SP140: variants seen among roughly 807,000 people sequenced by gnomAD.
SP140 encodes nuclear body protein SP140.
SP140 carries 81 observed loss-of-function variants against 125.0 expected under a neutral mutation model. The ratio of observed to expected loss-of-function variants is 0.65; its 90% CI spans 0.54 to 0.78. The LOEUF is 0.78. Among genes scored for constraint, SP140 ranks in the 30% least tolerant of loss-of-function variants. The probability of loss-of-function intolerance (pLI) is 0.00; values close to 1 mark genes in which losing one functional copy is unlikely to be tolerated. For missense variants in SP140, 858 were observed against 1,037.0 expected (o/e 0.83, Z 2.37); for synonymous variants, 312 against 354.0 (o/e 0.88, Z 1.33).
intron 22 of SP140, among the ~76,000 whole-genome samples, chr2:230,301,022 A>G (rs1348259519): frequency 1.3e-5 from 2 of 152,256 alleles, no homozygotes. Flanking sequence ...GCAAGTTTCA[A>G]CAATAGACTA....
rs190924663 is a variant in SP140, at chr2:230,310,118, C to T, written c.2174+79C>T. ...CCATGCGCACTCTCCAGCAGAGTGC[C>T]GGCTTGTGTCTAGATGGGGAAAGAG... On this transcript the variant is annotated intron_variant, in intron 23 of 26. Coordinates refer to ENST00000392045, the MANE Select transcript of SP140 (RefSeq NM_007237.5). The T allele has an allele frequency of 1.2e-3, 1,581 of 1,369,172 alleles. 5 individuals carry two copies. The highest frequency in any genetic ancestry group is 3.4e-3 in the Middle Eastern group (19 of 5,514). The allele number at this position is 1,369,172 out of a possible 1,614,324, so 84.8% of individuals were successfully genotyped here. A position where few individuals can be genotyped will look rare whatever the true frequency, so the allele number is the denominator to read the frequency against.
At chr2:230,248,860 C>G in intron 8 of SP140, 25 bp from the exon 9 acceptor site, 1 of 1,583,448 alleles carries the variant, frequency 6.3e-7, no homozygotes, top group Non-Finnish European at 8.7e-7. Context: ...CCTCTGTGGT[C>G]TGTCAATTTC....
At position 230,237,090 on chromosome 2, in the gene SP140, G is replaced by A. The variant is rs149750664; in HGVS notation, c.67G>A (p.Ala23Thr). The change falls in exon 2 of 27, where the codon GCA becomes ACA. Residue 23 changes from alanine (A) to threonine (T), a missense_variant. By Grantham distance (58) the Ala-to-Thr change is moderately conservative. Coordinates refer to ENST00000392045, the MANE Select transcript of SP140 (RefSeq NM_007237.5). This position sits in a 1 kb window ranked among gnomAD's most constrained non-coding sequence, Gnocchi z 5.4. The stretch of plus-strand genomic sequence containing the variant: ...TGTATCTTTGTTTCTTAGGATGGTC[G>A]CAGAGATCCAGAACGTAGAGGGTCA... ...GDSNLNFRMV[A>T]EIQNVEGQNL... The A allele has an allele frequency of 6.1e-5, 96 of 1,575,186 alleles. No individual in the cohort carries two copies. In the South Asian group the frequency reaches 7.0e-4, roughly 11 times the overall value.
chr2:230,305,515 G>C (rs1003450331), intron 22 of SP140, among the ~76,000 whole-genome samples: 18 of 152,250 alleles, frequency 1.2e-4, no homozygotes, highest in African/African-American at 4.3e-4. Flanking sequence ...GATCCCCAGA[G>C]CCAGTTGCCC....
At chr2:230,306,949 A>T (rs923984032) in intron 22 of SP140, among the ~76,000 whole-genome samples, 4 of 152,230 alleles carry the variant, frequency 2.6e-5, no homozygotes, top group African/African-American at 9.6e-5. Flanking sequence ...TATGGACCAG[A>T]GTGGGAACTT....
chr2:230,244,017 A>T (rs1228544397), intron 5 of SP140, among the ~76,000 whole-genome samples: 1 of 152,224 alleles, frequency 6.6e-6, no homozygotes, highest in Non-Finnish European at 1.5e-5. Context: ...TTTCATGTCT[A>T]CTAATAATAA....
At chr2:230,301,322 T>C (rs2058263910) in intron 22 of SP140, among the ~76,000 whole-genome samples, 1 of 152,120 alleles carries the variant, frequency 6.6e-6, no homozygotes, top group Non-Finnish European at 1.5e-5. Context: ...AAAAAGATAA[T>C]CACTCAGGCA....
intron 12 of SP140, among the ~76,000 whole-genome samples, chr2:230,266,532 A>G (rs1420607453): frequency 6.6e-6 from 1 of 152,182 alleles, no homozygotes; most frequent in African/African-American, 2.4e-5. Context: ...GTTATCTCAC[A>G]GTCCTGCCAG....
At chr2:230,247,041 A>G (rs930596876) in intron 7 of SP140, among the ~76,000 whole-genome samples, 3 of 152,172 alleles carry the variant, frequency 2.0e-5, no homozygotes, top group African/African-American at 4.8e-5. Flanking sequence ...GAGTTTTCAC[A>G]TTATGGTGTC....
At chr2:230,284,257 A>G (rs968949779) in intron 15 of SP140, 89 bp from the exon 16 acceptor site, 2 of 1,329,538 alleles carry the variant, frequency 1.5e-6, no homozygotes, top group South Asian at 2.8e-5. Flanking sequence ...CAAAGTATGA[A>G]AAAAAATCTT....
rs73104214 is a variant in SP140 at position 230,245,284 on chromosome 2, G to T, written c.664+204G>T. ...GGGCTCCTGGGCAGAGAGCTTAAGG[G>T]TACAGAGTAATAAAAATTACTCTGA... On this transcript the variant is annotated intron_variant, in intron 6 of 26. Transcript: ENST00000392045. 0.018 allele frequency among the ~76,000 whole-genome samples: 2,783 copies of T among 152,158 alleles called. 87 individuals carry two copies. Among genetic ancestry groups the T allele is most frequent in the African/African-American group, 0.064 (2,649 of 41,484 alleles).
intron 15 of SP140, among the ~76,000 whole-genome samples, chr2:230,272,063 A>C (rs1044532449): frequency 6.6e-6 from 1 of 152,254 alleles, no homozygotes; most frequent in South Asian, 2.1e-4. Flanking sequence ...GAAATGACAG[A>C]TGACACAAAC....
intron 20 of SP140, among the ~76,000 whole-genome samples, chr2:230,293,068 AGAAG>A (rs1422246498): frequency 1.3e-5 from 2 of 152,304 alleles, no homozygotes; most frequent in South Asian, 2.1e-4. Context: ...ACTGAAAGAA[AGAAG>A]GGAGTTGACA....
intron 1 of SP140, chr2:230,230,384 A>G (rs993046690): frequency 2.1e-4 from 32 of 152,332 alleles, no homozygotes; most frequent in African/African-American, 7.5e-4. Flanking sequence ...CTTAGGTTTT[A>G]CAATACTGAA....
chr2:230,223,297 AGTGCTGGG>A (rs1430808489), upstream of SP140, among the ~76,000 whole-genome samples: 1 of 152,138 alleles, frequency 6.6e-6, no homozygotes. Context: ...AGCCTCCCGA[AGTGCTGGG>A]GTTATAGGCA....
intron 22 of SP140, among the ~76,000 whole-genome samples, chr2:230,308,274 C>T (rs1377230325): frequency 1.3e-5 from 2 of 151,982 alleles, no homozygotes; most frequent in Non-Finnish European, 2.9e-5. Context: ...AAAGACTACA[C>T]ATTGGGTACA....
At chr2:230,239,166 A>G (rs2048374127) in intron 3 of SP140, 3 of 663,912 alleles carry the variant, frequency 4.5e-6, no homozygotes, top group Non-Finnish European at 6.3e-6. Context: ...TTTTCATATT[A>G]TGATACATCC....
the SP140 span, among the ~76,000 whole-genome samples, chr2:230,191,835 A>G: frequency 1.3e-5 from 2 of 152,222 alleles, no homozygotes; most frequent in African/African-American, 2.4e-5. Context: ...AACAAAAAAA[A>G]AGAAAATTTC....
Position 230,284,423 on chromosome 2 carries a change from A to G in SP140, c.1564+12A>G. On this transcript the variant is annotated intron_variant, in intron 16 of 26. Transcript: ENST00000392045. The stretch of plus-strand genomic sequence containing the variant: ...CAGCCAACAAAATGGTAAGCAGGCA[A>G]AGTGAAGTAGTTACAGCTTTTGAGT... The G allele has an allele frequency of 6.2e-7, 1 of 1,604,198 alleles. No homozygotes were observed. Among genetic ancestry groups the G allele is most frequent in the East Asian group, 2.2e-5 (1 of 44,660 alleles).
Sources: allele counts gnomAD v4.1 joint callset (sites outside exome capture counted in the v4.1 genomes callset), GRCh38; gene constraint gnomAD v4.1.1; non-coding constraint Gnocchi (gnomAD v3.1); transcripts MANE v1.5; gene names NCBI Gene and HGNC (gene_info 2026-07-23, HGNC 2026-07-21).